The following PPM1L variants were observed in gnomAD, a reference collection of about 807,000 sequenced individuals.
The protein encoded by PPM1L is protein phosphatase, Mg2+/Mn2+ dependent 1L, also known as protein phosphatase 1L.
Under a neutral mutation model 31.4 loss-of-function variants are expected in PPM1L, and 13 were observed. The ratio of observed to expected loss-of-function variants is 0.41; its 90% confidence interval spans 0.27 to 0.66. PPM1L has a LOEUF of 0.66. Among genes scored for constraint, PPM1L ranks in the 30% least tolerant of loss-of-function variants. The probability of loss-of-function intolerance (pLI) is 0.29; values close to 1 mark genes in which losing one functional copy is unlikely to be tolerated. For missense variants in PPM1L, 326 were observed against 453.7 expected, an observed-to-expected ratio of 0.72 and a Z score of 2.56; for synonymous variants, 184 against 175.4, an observed-to-expected ratio of 1.05 and a Z score of -0.39.
At chr3:160,868,441 C>A (rs1202428564) in intron 1 of PPM1L, among the ~76,000 whole-genome samples, 1 of 152,206 alleles carries the variant, frequency 6.6e-6, no homozygotes, top group African/African-American at 2.4e-5. Context: ...ACCTGTACAA[C>A]ATGGTCATAA....
chr3:160,792,808 T>C (rs1336309394), intron 1 of PPM1L, among the ~76,000 whole-genome samples: 1 of 152,186 alleles, frequency 6.6e-6, no homozygotes, highest in East Asian at 1.9e-4. Context: ...TTATACAGGA[T>C]ACAGCCAGTG....
chr3:160,995,377 A>G (rs1158578105), intron 2 of PPM1L, among the ~76,000 whole-genome samples: 1 of 151,978 alleles, frequency 6.6e-6, no homozygotes, highest in Non-Finnish European at 1.5e-5. Context: ...CTGGAGTGAA[A>G]TGGCACAATC....
intron 2 of PPM1L, among the ~76,000 whole-genome samples, chr3:160,990,764 A>G (rs938354675): frequency 5.3e-5 from 8 of 152,222 alleles, no homozygotes; most frequent in African/African-American, 1.7e-4. Flanking sequence ...ACAAGTTCCA[A>G]GCCCATGTGA....
intron 2 of PPM1L, among the ~76,000 whole-genome samples, chr3:160,987,747 G>A (rs1468365252): frequency 6.6e-6 from 1 of 152,196 alleles, no homozygotes; most frequent in African/African-American, 2.4e-5. Context: ...TATGACTTCA[G>A]AATCAGACAG....
In PPM1L at chr3:161,072,323, G is replaced by A. The variant is rs1719951028; in HGVS notation, c.*3166G>A. The A allele has an allele frequency of 1.3e-5, 2 of 152,176 alleles. No individual in the cohort carries two copies. Among genetic ancestry groups the A allele is most frequent in the Non-Finnish European group, 2.9e-5 (2 of 68,050 alleles). The allele number at this position is 152,176 out of a possible 1,614,324, so 9.4% of individuals were successfully genotyped here. ...TCTGTGTACATATGTACATAGTACT[G>A]GTAACCAGTGGCTGCATTTTATTCC... On this transcript the variant is annotated 3_prime_UTR_variant, in exon 4 of 4. Coordinates refer to ENST00000498165, the MANE Select transcript of PPM1L (RefSeq NM_139245.4).
At chr3:160,816,857 AC>A (rs1165670715) in intron 1 of PPM1L, among the ~76,000 whole-genome samples, 83 of 152,182 alleles carry the variant, frequency 5.5e-4, no homozygotes, top group Non-Finnish European at 2.6e-4. Context: ...TGGTTATTCT[AC>A]AACCAACGTC....
chr3:161,013,236 T>C (rs576634705), intron 2 of PPM1L, among the ~76,000 whole-genome samples: 2 of 152,240 alleles, frequency 1.3e-5, no homozygotes, highest in South Asian at 4.1e-4. Context: ...TTTGTTCTCA[T>C]TGGTTTCAAA....
chr3:160,838,922 G>T (rs948799602), intron 1 of PPM1L, among the ~76,000 whole-genome samples: 2 of 152,134 alleles, frequency 1.3e-5, no homozygotes, highest in Non-Finnish European at 2.9e-5. Context: ...TTTATATGTT[G>T]ATGGCATTTG....
At chr3:160,774,560 T>A (rs1474506257) in intron 1 of PPM1L, among the ~76,000 whole-genome samples, 1 of 152,262 alleles carries the variant, frequency 6.6e-6, no homozygotes, top group East Asian at 1.9e-4. Flanking sequence ...GTTCTCATAA[T>A]AGTATCCCTG....
At chr3:160,799,476 A>C (rs761727499) in intron 1 of PPM1L, among the ~76,000 whole-genome samples, 2 of 152,214 alleles carry the variant, frequency 1.3e-5, no homozygotes, top group Non-Finnish European at 2.9e-5. Context: ...TTTAATTAAG[A>C]TATGTACATT....
At chr3:160,953,881 ACG>A (rs763144727) in intron 1 of PPM1L, among the ~76,000 whole-genome samples, 7 of 152,116 alleles carry the variant, frequency 4.6e-5, no homozygotes, top group Non-Finnish European at 8.8e-5. Flanking sequence ...GCTTCCAATT[ACG>A]CAGCATTGAA....
In PPM1L at chr3:160,765,828, T is replaced by C. The variant is rs374223732; in HGVS notation, c.399+9121T>C. 2.6e-5 allele frequency among the ~76,000 whole-genome samples: 4 copies of C among 152,364 alleles called. No homozygotes were observed. In the East Asian group the frequency reaches 5.8e-4, roughly 22 times the overall value. On this transcript the variant is annotated intron_variant, in intron 1 of 3. Transcript: ENST00000498165. Reference sequence around the variant, plus strand: ...TATATTCAAGCTTCGACTTTTTTTTTCTTTTTCAGGATCAAAACAGTTTCC... The same window carrying C: ...TATATTCAAGCTTCGACTTTTTTTTCCTTTTTCAGGATCAAAACAGTTTCC...
chr3:161,012,371 C>G (rs1198920780), intron 2 of PPM1L, among the ~76,000 whole-genome samples: 2 of 152,162 alleles, frequency 1.3e-5, no homozygotes, highest in Non-Finnish European at 2.9e-5. Flanking sequence ...ATGAAGCCCA[C>G]TTGATCATGG....
chr3:160,819,315 C>T (rs535391334), intron 1 of PPM1L, among the ~76,000 whole-genome samples: 43 of 152,008 alleles, frequency 2.8e-4, no homozygotes, highest in Admixed American at 2.6e-3. Flanking sequence ...CTGAGTAGTC[C>T]AAGTTATAAA....
intron 2 of PPM1L, among the ~76,000 whole-genome samples, chr3:160,993,612 T>C (rs1717208920): frequency 6.6e-6 from 1 of 152,136 alleles, no homozygotes; most frequent in Non-Finnish European, 1.5e-5. Flanking sequence ...TTCATGGGCC[T>C]CAGCCCTTAA....
At chr3:160,891,231 C>A (rs1272676489) in intron 1 of PPM1L, among the ~76,000 whole-genome samples, 2 of 151,914 alleles carry the variant, frequency 1.3e-5, no homozygotes, top group African/African-American at 4.8e-5. Flanking sequence ...ACCCATCTGA[C>A]AGAGGTCTAA....
rs531045613 is a variant in PPM1L, at chr3:160,791,243, G to A, written c.399+34536G>A. Among the ~76,000 whole-genome samples, 6 of 152,228 alleles carry A rather than the reference G, an allele frequency of 3.9e-5. 1 individual carries two copies. The Middle Eastern group carries it at 0.014, about 345-fold the overall frequency. On this transcript the variant is annotated intron_variant, in intron 1 of 3. Coordinates refer to ENST00000498165, the MANE Select transcript of PPM1L (RefSeq NM_139245.4). Reference sequence around the variant, plus strand: ...TATATGTCAAAGAAGGAGTGGAAAAGGCATAGGCTTAGAGTCAGTCAGATG... The same window carrying A: ...TATATGTCAAAGAAGGAGTGGAAAAAGCATAGGCTTAGAGTCAGTCAGATG...
intron 1 of PPM1L, among the ~76,000 whole-genome samples, chr3:160,800,645 A>G (rs1405777820): frequency 1.3e-5 from 2 of 152,158 alleles, no homozygotes; most frequent in African/African-American, 4.8e-5. Context: ...TATTTTAACA[A>G]TTCCAATGAT....
At chr3:160,961,542 A>G (rs1216453501) in intron 1 of PPM1L, among the ~76,000 whole-genome samples, 194 bp from the exon 2 acceptor site, 1 of 152,188 alleles carries the variant, frequency 6.6e-6, no homozygotes. Context: ...AAACTCTTAG[A>G]GGTCTGTGAT....
Sources: allele counts gnomAD v4.1 joint callset (sites outside exome capture counted in the v4.1 genomes callset), GRCh38; gene constraint gnomAD v4.1.1; transcripts MANE v1.5; gene names NCBI Gene and HGNC (gene_info 2026-07-23, HGNC 2026-07-21).